Variants in WDR27 observed in about 807,000 individuals in gnomAD.
The protein encoded by WDR27 is WD repeat-containing protein 27.
A neutral mutation model predicts 114.4 loss-of-function variants in WDR27; 100 were observed. That is an observed-to-expected ratio of 0.87 (90% CI 0.74 to 1.03). The LOEUF is 1.03. WDR27 is among the 50% of genes least tolerant of loss of function. WDR27 has a pLI of 0.00. For missense variants in WDR27, 1,129 were observed against 1,092.9 expected, an observed-to-expected ratio of 1.03 and a Z score of -0.47; for synonymous variants, 449 against 423.1, an observed-to-expected ratio of 1.06 and a Z score of -0.75.
chr6:169,584,063 C>CCTCCCCG (rs1804098629), intron 23 of WDR27, among the ~76,000 whole-genome samples: 2 of 27,754 alleles, frequency 7.2e-5, no homozygotes, highest in African/African-American at 1.1e-4. Flanking sequence ...ACATCTCCCC[C>CCTCCCCG]TCCCCGCCTA....
chr6:169,449,318 G>C, the WDR27 span, among the ~76,000 whole-genome samples: 1 of 152,100 alleles, frequency 6.6e-6, no homozygotes, highest in African/African-American at 2.4e-5. Flanking sequence ...TTTCACCTAA[G>C]GTAAATGATA....
rs1247554036 is a variant in WDR27 at position 169,551,734 on chromosome 6, T to C, written c.2645+20685A>G. Among the ~76,000 whole-genome samples, 3 of 54,528 alleles carry C rather than the reference T, an allele frequency of 5.5e-5. No homozygotes were observed. In the South Asian group the frequency reaches 2.8e-3, roughly 52 times the overall value. The allele number at this position is 54,528 out of a possible 152,430, so 35.8% of individuals were successfully genotyped here. ...CCTGGGCAATAAGAGCGAGACTCCA[T>C]CTCAAAAAAAAAAAAAAAAAAGAAA... On this transcript the variant is annotated intron_variant, in intron 25 of 25. Coordinates refer to ENST00000448612, the MANE Select transcript of WDR27 (RefSeq NM_182552.5).
At chr6:169,473,998 GA>G (rs1183378299) in intron 25 of WDR27, among the ~76,000 whole-genome samples, 4 of 152,336 alleles carry the variant, frequency 2.6e-5, no homozygotes, top group Admixed American at 1.3e-4. Context: ...TGTGTGTGGC[GA>G]ATGGAAGTTT....
chr6:169,672,409 A>T lies in WDR27; in HGVS notation c.190-13T>A. The T allele has an allele frequency of 1.9e-6, 3 of 1,575,890 alleles. No individual in the cohort carries two copies. Among genetic ancestry groups the T allele is most frequent in the Non-Finnish European group, 2.6e-6 (3 of 1,160,750 alleles). ...GTAGGATTAGAAGCTGGGAAAATTA[A>T]CAAAAATAAAACACAGATCACAGAC... is the stretch of plus-strand genomic sequence containing the variant. On this transcript the variant is annotated splice_polypyrimidine_tract_variant and intron_variant, in intron 2 of 25. Transcript: ENST00000448612.
intron 18 of WDR27, among the ~76,000 whole-genome samples, chr6:169,636,963 CTTT>C (rs776951951): frequency 5.1e-4 from 78 of 152,348 alleles, no homozygotes; most frequent in Non-Finnish European, 9.1e-4. Flanking sequence ...CCTAGGTCTT[CTTT>C]AATTGACACT....
chr6:169,676,884 G>C (rs1376020015), intron 2 of WDR27, among the ~76,000 whole-genome samples: 1 of 152,142 alleles, frequency 6.6e-6, no homozygotes, highest in East Asian at 1.9e-4. Context: ...CCAAGCTGTA[G>C]CCTGACCATC....
At chr6:169,466,894 G>A (rs989002169) in intron 25 of WDR27, among the ~76,000 whole-genome samples, 1 of 152,144 alleles carries the variant, frequency 6.6e-6, no homozygotes, top group Non-Finnish European at 1.5e-5. Flanking sequence ...TCTCATCTGA[G>A]ACAAGCCAAG....
chr6:169,548,311 G>T (rs1797709358), intron 25 of WDR27, among the ~76,000 whole-genome samples: 1 of 152,042 alleles, frequency 6.6e-6, no homozygotes. Context: ...TAATTATTTT[G>T]TGTATATCAA....
At chr6:169,440,641 G>A in the WDR27 span, among the ~76,000 whole-genome samples, 2 of 151,914 alleles carry the variant, frequency 1.3e-5, no homozygotes, top group East Asian at 1.9e-4. Flanking sequence ...ATTTATTATT[G>A]TAATAATAAT....
At chr6:169,616,985 T>A (rs1811966670) in intron 21 of WDR27, among the ~76,000 whole-genome samples, 1 of 152,108 alleles carries the variant, frequency 6.6e-6, no homozygotes, top group Non-Finnish European at 1.5e-5. Context: ...AATTTCAGCA[T>A]GAAAAATCAA....
chr6:169,649,367 CATAG>C lies in WDR27; in HGVS notation c.1482-96_1482-93del, dbSNP rs199945645. 29 of 1,104,612 alleles carry C rather than the reference CATAG, an allele frequency of 2.6e-5. No homozygotes were observed. The African/African-American group carries it at 3.9e-4, about 15-fold the overall frequency. 68.4% of individuals were successfully genotyped at this position (1,104,612 alleles called of 1,614,324 possible). A position where few individuals can be genotyped will look rare whatever the true frequency, so the allele number is the denominator to read the frequency against. On this transcript the variant is annotated intron_variant, in intron 14 of 25. Transcript: ENST00000448612. Reference sequence around the variant, plus strand: ...ATTTTACAGTGAAAAAAATTATATACATAGATATAGACGTCTGCATAAATGCTTT... The same window carrying C: ...ATTTTACAGTGAAAAAAATTATATACATATAGACGTCTGCATAAATGCTTT...
chr6:169,629,927 CAAAAAAAAAA>C (rs747455041), intron 21 of WDR27, among the ~76,000 whole-genome samples: 2 of 52,424 alleles, frequency 3.8e-5, no homozygotes, highest in Non-Finnish European at 8.3e-5. Context: ...AACTTCATCT[CAAAAAAAAAA>C]AAAAAAAAAA....
At chr6:169,564,590 G>A (rs925025321) in intron 25 of WDR27, among the ~76,000 whole-genome samples, 2 of 152,148 alleles carry the variant, frequency 1.3e-5, no homozygotes, top group African/African-American at 4.8e-5. Flanking sequence ...TCCACATTTG[G>A]GGAGAGTGTG....
At chr6:169,483,066 C>G (rs1396617774) in intron 25 of WDR27, among the ~76,000 whole-genome samples, 1 of 152,072 alleles carries the variant, frequency 6.6e-6, no homozygotes. Flanking sequence ...GCACTAAACA[C>G]CCACATCAAA....
intron 25 of WDR27, among the ~76,000 whole-genome samples, chr6:169,557,448 G>A (rs764171889): frequency 9.2e-5 from 14 of 152,178 alleles, no homozygotes; most frequent in African/African-American, 1.4e-4. Context: ...CCTGTGATGC[G>A]GGACTGGGGC....
chr6:169,621,253 C>CACAT (rs1299967030), intron 21 of WDR27, among the ~76,000 whole-genome samples: 3 of 152,106 alleles, frequency 2.0e-5, no homozygotes, highest in Non-Finnish European at 2.9e-5. Context: ...TACATACCCA[C>CACAT]ACATACATTC....
chr6:169,435,990 ATAAT>A, the WDR27 span, among the ~76,000 whole-genome samples: 1 of 152,238 alleles, frequency 6.6e-6, no homozygotes, highest in Non-Finnish European at 1.5e-5. Flanking sequence ...TGTTTTACTC[ATAAT>A]TAATTTTTAA....
intron 25 of WDR27, among the ~76,000 whole-genome samples, chr6:169,546,921 A>C (rs1797524580): frequency 6.6e-6 from 1 of 152,158 alleles, no homozygotes; most frequent in South Asian, 2.1e-4. Flanking sequence ...TGTTCTCACA[A>C]GTGAAAGTGG....
chr6:169,545,669 C>A (rs574617215), intron 25 of WDR27, among the ~76,000 whole-genome samples: 3 of 152,158 alleles, frequency 2.0e-5, no homozygotes, highest in South Asian at 4.1e-4. Flanking sequence ...CAGAGTGAGA[C>A]CCTGTCTCCA....
Sources: allele counts gnomAD v4.1 joint callset (sites outside exome capture counted in the v4.1 genomes callset), GRCh38; gene constraint gnomAD v4.1.1; transcripts MANE v1.5; gene names NCBI Gene and HGNC (gene_info 2026-07-23, HGNC 2026-07-21).